The following PTP4A1 variants were observed in gnomAD, a reference collection of about 807,000 sequenced individuals.
PTP4A1 encodes protein tyrosine phosphatase 4A1.
A neutral mutation model predicts 20.5 loss-of-function variants in PTP4A1; 9 were observed. The observed-to-expected ratio is 0.44, with a 90% confidence interval of 0.26 to 0.77. PTP4A1 has a LOEUF of 0.77. Among genes scored for constraint, PTP4A1 ranks in the 30% least tolerant of loss-of-function variants. PTP4A1 has a pLI of 0.19. For synonymous variants in PTP4A1, 78 were observed against 67.4 expected, an observed-to-expected ratio of 1.16 and a Z score of -0.77; for missense variants, 137 against 218.8, an observed-to-expected ratio of 0.63 and a Z score of 2.36.
At chr6:63,562,721 T>C (rs982435346) in intron 3 of PTP4A1, among the ~76,000 whole-genome samples, 1 of 152,220 alleles carries the variant, frequency 6.6e-6, no homozygotes, top group Non-Finnish European at 1.5e-5. Context: ...AAGAGTTTAA[T>C]TGTTCTCTTA....
intron 2 of PTP4A1, among the ~76,000 whole-genome samples, chr6:63,539,227 C>A (rs1316714874): frequency 6.6e-6 from 1 of 151,986 alleles, no homozygotes; most frequent in Non-Finnish European, 1.5e-5. Flanking sequence ...TGAATAAATT[C>A]TAACCTGTAG....
intron 1 of PTP4A1, among the ~76,000 whole-genome samples, chr6:63,525,017 G>C (rs1198303041): frequency 6.6e-6 from 1 of 152,174 alleles, no homozygotes; most frequent in Non-Finnish European, 1.5e-5. Flanking sequence ...ACCAAGCCTT[G>C]TTCTAACTTG....
At chr6:63,527,877 T>A (rs1320115776) in exon 2 of PTP4A1, 1 of 152,220 alleles carries the variant, frequency 6.6e-6, no homozygotes, top group Non-Finnish European at 1.5e-5. Flanking sequence ...CCAGCAGCAG[T>A]GCCAGTTCAT....
chr6:63,522,620 T>C (rs944186974), intron 1 of PTP4A1, among the ~76,000 whole-genome samples: 2 of 152,166 alleles, frequency 1.3e-5, no homozygotes, highest in African/African-American at 2.4e-5. Flanking sequence ...AAGAACACAA[T>C]AGTGTAGCAG....
At chr6:63,529,421 T>C (rs1019420654) in intron 2 of PTP4A1, among the ~76,000 whole-genome samples, 1 of 152,024 alleles carries the variant, frequency 6.6e-6, no homozygotes, top group Non-Finnish European at 1.5e-5. Flanking sequence ...TCTCAAACTT[T>C]TAGGCAAAAT....
upstream of PTP4A1, among the ~76,000 whole-genome samples, chr6:63,568,572 C>T (rs1777284378): frequency 6.6e-6 from 1 of 151,336 alleles, no homozygotes; most frequent in African/African-American, 2.4e-5. Context: ...AGATGTAACA[C>T]AGAGACATGA....
chr6:63,572,060 G>T (rs1392858528), upstream of PTP4A1: 6 of 152,264 alleles, frequency 3.9e-5, no homozygotes, highest in Non-Finnish European at 8.8e-5. Flanking sequence ...ACACTGAGAC[G>T]CGGTTCCAGC....
At chr6:63,559,228 A>T (rs1288647694) in intron 3 of PTP4A1, among the ~76,000 whole-genome samples, 1 of 152,226 alleles carries the variant, frequency 6.6e-6, no homozygotes, top group Non-Finnish European at 1.5e-5. Flanking sequence ...TGTAACAAAG[A>T]TTATTAAAGC....
At position 63,566,383 on chromosome 6, in the gene PTP4A1, C is replaced by T. The variant is rs147879369; in HGVS notation, c.-445-10053C>T. ...AGTTTACATGAAAATTTAAGGAATT[C>T]GGCTCAGGGTCGGGGTCAGTTTCTT... On this transcript the variant is annotated intron_variant, in intron 3 of 3. Coordinates refer to the PTP4A1 transcript ENST00000639568. Among the ~76,000 whole-genome samples, 973 of 152,182 alleles carry T rather than the reference C, an allele frequency of 6.4e-3. 5 individuals carry two copies. The highest frequency in any genetic ancestry group is 9.7e-3 in the Non-Finnish European group (663 of 68,012).
intron 2 of PTP4A1, among the ~76,000 whole-genome samples, chr6:63,534,694 C>T (rs538921193): frequency 3.9e-4 from 59 of 151,058 alleles, no homozygotes; most frequent in Non-Finnish European, 7.4e-4. Flanking sequence ...ATGCCTGTAA[C>T]CCCAGCACTT....
At chr6:63,551,851 G>A (rs572129527) in intron 3 of PTP4A1, among the ~76,000 whole-genome samples, 5 of 152,196 alleles carry the variant, frequency 3.3e-5, no homozygotes, top group East Asian at 1.9e-4. Flanking sequence ...CTTCATCCAC[G>A]TCCCTACAAA....
rs1778183151 is a variant in PTP4A1 at position 63,580,825 on chromosome 6, C to G, written c.*651C>G. 1 of 151,534 alleles carries G rather than the reference C, an allele frequency of 6.6e-6. No homozygotes were observed. The highest frequency in any genetic ancestry group is 1.5e-5 in the Non-Finnish European group (1 of 67,898). The allele number at this position is 151,534 out of a possible 1,614,324, so 9.4% of individuals were successfully genotyped here. A position where few individuals can be genotyped will look rare whatever the true frequency, so the allele number is the denominator to read the frequency against. On this transcript the variant is annotated 3_prime_UTR_variant, in exon 6 of 6. Coordinates refer to ENST00000626021, the MANE Select transcript of PTP4A1 (RefSeq NM_003463.5). Reference sequence around the variant, plus strand: ...TTAAAAAAACCTCCATTTTGAAAATCTACGTTGTACAGAAGCACATGTCTT... The same window carrying G: ...TTAAAAAAACCTCCATTTTGAAAATGTACGTTGTACAGAAGCACATGTCTT...
chr6:63,576,166 A>G (rs1370997521), intron 1 of PTP4A1, among the ~76,000 whole-genome samples: 1 of 151,228 alleles, frequency 6.6e-6, no homozygotes, highest in East Asian at 1.9e-4. Flanking sequence ...AATTTCACAA[A>G]AATGTAACAA....
At chr6:63,545,757 C>T (rs966025651) in intron 2 of PTP4A1, among the ~76,000 whole-genome samples, 6 of 152,154 alleles carry the variant, frequency 3.9e-5, no homozygotes, top group South Asian at 2.1e-4. Context: ...TATTATTAGA[C>T]GTGCTCAAAA....
At chr6:63,562,115 T>G (rs541220849) in intron 3 of PTP4A1, among the ~76,000 whole-genome samples, 10 of 151,830 alleles carry the variant, frequency 6.6e-5, no homozygotes, top group Admixed American at 6.5e-4. Context: ...CATTTTAGTT[T>G]ATTTCTTTCT....
rs1162932942 is a variant in PTP4A1, at chr6:63,554,852, A to G, written c.-446+4359A>G. 2.6e-5 allele frequency among the ~76,000 whole-genome samples: 4 copies of G among 152,216 alleles called. No individual in the cohort carries two copies. In the East Asian group the frequency reaches 7.7e-4, roughly 29 times the overall value. On this transcript the variant is annotated intron_variant, in intron 3 of 3. Coordinates refer to the PTP4A1 transcript ENST00000639568. ...TACATATGGGTCACTTTTGGGGACA[A>G]TCTTACTCTTATTTATGTTTGTATA...
At chr6:63,547,270 A>G (rs935347171) in intron 2 of PTP4A1, among the ~76,000 whole-genome samples, 1 of 150,774 alleles carries the variant, frequency 6.6e-6, no homozygotes, top group Admixed American at 6.6e-5. Context: ...GCACACTGCA[A>G]CCTGCGCCTC....
chr6:63,526,756 A>T (rs918953933), intron 1 of PTP4A1, among the ~76,000 whole-genome samples: 2 of 148,600 alleles, frequency 1.3e-5, no homozygotes, highest in Non-Finnish European at 3.0e-5. Context: ...TCGAGATCAC[A>T]CCACTGCACT....
intron 2 of PTP4A1, among the ~76,000 whole-genome samples, chr6:63,530,229 T>A (rs148870311): frequency 7.9e-4 from 120 of 152,260 alleles, no homozygotes; most frequent in Middle Eastern, 6.8e-3. Context: ...TTTTTTTTCA[T>A]ACACTGGAGT....
Sources: allele counts gnomAD v4.1 joint callset (sites outside exome capture counted in the v4.1 genomes callset), GRCh38; gene constraint gnomAD v4.1.1; transcripts MANE v1.5; gene names NCBI Gene and HGNC (gene_info 2026-07-23, HGNC 2026-07-21).